Variants in WWP1 observed in about 807,000 individuals in gnomAD.
The protein encoded by WWP1 is NEDD4-like E3 ubiquitin-protein ligase WWP1.
In WWP1, 49 loss-of-function variants were observed where a neutral mutation model predicts 130.6. That is an observed-to-expected ratio of 0.38 (90% CI 0.30 to 0.48). The LOEUF is 0.48. Ranked by LOEUF, WWP1 falls within the 20% of genes least tolerant of loss-of-function variation. The pLI, the probability that WWP1 is intolerant of heterozygous loss-of-function variation, is 0.99. For synonymous variants in WWP1, 332 were observed against 367.8 expected, an observed-to-expected ratio of 0.90 and a Z score of 1.11; for missense variants, 809 against 1,100.6, an observed-to-expected ratio of 0.74 and a Z score of 3.75.
At chr8:86,417,763 T>A (rs967922081) in intron 9 of WWP1, among the ~76,000 whole-genome samples, 18 of 152,212 alleles carry the variant, frequency 1.2e-4, no homozygotes, top group African/African-American at 4.3e-4. Context: ...AATATTTAAG[T>A]CATATAGAAA....
At chr8:86,386,667 A>T (rs571432456) in intron 5 of WWP1, among the ~76,000 whole-genome samples, 1 of 152,210 alleles carries the variant, frequency 6.6e-6, no homozygotes, top group African/African-American at 2.4e-5. Flanking sequence ...TAATTCCACA[A>T]ATGAAAATAT....
chr8:86,465,699 G>A (rs372232786), intron 24 of WWP1, among the ~76,000 whole-genome samples: 45 of 152,270 alleles, frequency 3.0e-4, no homozygotes, highest in African/African-American at 9.4e-4. Flanking sequence ...TGTGAAAGAT[G>A]TAAGAGAACA....
chr8:86,431,616 T>G lies in WWP1; in HGVS notation c.1474T>G (p.Leu492Val). 1.2e-6 allele frequency: 2 copies of G among 1,613,488 alleles called. No homozygotes were observed. Among genetic ancestry groups the G allele is most frequent in the Non-Finnish European group, 1.7e-6 (2 of 1,179,822 alleles). ...TQWEDPRTQG[L>V]QNEEPLPEGW... ...TGTGATTTTAACTTTATCTTTTAGC[T>G]TACAGAATGAAGAACCCCTGCCAGA... The change falls in exon 14 of 25, where the codon TTA (leucine) becomes GTA (valine). Residue 492 changes from leucine (L) to valine (V), a missense_variant and splice_region_variant. Transcript: ENST00000517970.
intron 1 of WWP1, among the ~76,000 whole-genome samples, chr8:86,351,819 C>T (rs977451926): frequency 3.3e-5 from 5 of 152,054 alleles, no homozygotes; most frequent in East Asian, 3.9e-4. Flanking sequence ...ATATAACAGT[C>T]GTCTGGGATG....
chr8:86,466,403 A>G (rs1812135713), intron 24 of WWP1, among the ~76,000 whole-genome samples: 1 of 152,168 alleles, frequency 6.6e-6, no homozygotes, highest in Non-Finnish European at 1.5e-5. Context: ...TCACTAGCTT[A>G]TCAGTTATAT....
intron 16 of WWP1, among the ~76,000 whole-genome samples, chr8:86,436,115 C>T (rs140778505): frequency 1.2e-3 from 179 of 152,192 alleles, no homozygotes; most frequent in African/African-American, 4.3e-3. Context: ...TCACAGCATC[C>T]CTTTGAGATA....
At position 86,445,988 on chromosome 8, in the gene WWP1, T is replaced by C. The variant is rs1302343501; in HGVS notation, c.1999-2160T>C. ...TTTCTTTTCTTTTCTTTTTTTTTTT[T>C]TTTTTTTTTTGAGACAAGAGTCTTG... On this transcript the variant is annotated intron_variant, in intron 18 of 24. Transcript: ENST00000517970. Among the ~76,000 whole-genome samples the C allele has an allele frequency of 7.3e-5, 10 of 136,214 alleles. 1 individual carries two copies. Among genetic ancestry groups the C allele is most frequent in the African/African-American group, 2.7e-4 (10 of 36,778 alleles). 89.4% of individuals were successfully genotyped at this position (136,214 alleles called of 152,430 possible).
intron 1 of WWP1, among the ~76,000 whole-genome samples, chr8:86,366,327 G>C (rs776355661): frequency 2.6e-4 from 39 of 152,334 alleles, no homozygotes; most frequent in Non-Finnish European, 4.9e-4. Flanking sequence ...GGGTATGATG[G>C]CATGGGGATG....
At chr8:86,411,297 A>G (rs767518341) in intron 8 of WWP1, among the ~76,000 whole-genome samples, 1 of 152,170 alleles carries the variant, frequency 6.6e-6, no homozygotes, top group Non-Finnish European at 1.5e-5. Context: ...GGTTGTTATT[A>G]TTATACATAC....
intron 20 of WWP1, among the ~76,000 whole-genome samples, chr8:86,451,214 TAAA>T (rs61141803): frequency 8.0e-4 from 35 of 43,650 alleles, no homozygotes; most frequent in African/African-American, 2.2e-3. Context: ...CCTATGTTAT[TAAA>T]AAAAAAAAAA....
At chr8:86,436,282 A>G (rs1461023455) in intron 16 of WWP1, among the ~76,000 whole-genome samples, 1 of 152,200 alleles carries the variant, frequency 6.6e-6, no homozygotes, top group African/African-American at 2.4e-5. Flanking sequence ...TATTACCTCA[A>G]AGTTTTGATA....
chr8:86,358,345 C>G (rs1187034613), intron 1 of WWP1, among the ~76,000 whole-genome samples: 3 of 152,052 alleles, frequency 2.0e-5, no homozygotes, highest in South Asian at 4.1e-4. Context: ...AATTTCAGTT[C>G]TATGCTATAT....
At chr8:86,423,926 G>A (rs1315845866) in intron 9 of WWP1, among the ~76,000 whole-genome samples, 3 of 140,844 alleles carry the variant, frequency 2.1e-5, no homozygotes, top group African/African-American at 5.4e-5. Context: ...CCCAGATGGG[G>A]CGGCTGGCCG....
chr8:86,384,015 T>C (rs1188511267), intron 5 of WWP1, among the ~76,000 whole-genome samples: 1 of 152,080 alleles, frequency 6.6e-6, no homozygotes, highest in Admixed American at 6.5e-5. Flanking sequence ...GTGGGGTTGG[T>C]TTATTGTGAG....
In WWP1 at chr8:86,411,750, C is replaced by G. The variant is rs750255116; in HGVS notation, c.937C>G (p.Pro313Ala). 9 of 1,613,954 alleles carry G rather than the reference C, an allele frequency of 5.6e-6. No individual in the cohort carries two copies. In the Admixed American group the frequency reaches 1.2e-4, roughly 21 times the overall value. Reference sequence around the variant, plus strand: ...ATCTGAAGCTAGAAGTATATTAGAGCCTGACACCTCTAATTCTAGAAGTAG... The same window carrying G: ...ATCTGAAGCTAGAAGTATATTAGAGGCTGACACCTCTAATTCTAGAAGTAG... ...LESEARSILE[P>A]DTSNSRSSSA... Residue 313 changes from proline (P) to alanine (A), a missense_variant, in exon 9 of 25, where the codon CCT becomes GCT. Pro to Ala is a conservative substitution (Grantham distance 27). Transcript: ENST00000517970.
intron 7 of WWP1, among the ~76,000 whole-genome samples, chr8:86,399,046 A>T (rs947559525): frequency 6.6e-6 from 1 of 152,142 alleles, no homozygotes; most frequent in African/African-American, 2.4e-5. Flanking sequence ...CTATAAATGG[A>T]TTCATATAAT....
At chr8:86,363,055 CA>C (rs1172676175) in intron 1 of WWP1, among the ~76,000 whole-genome samples, 1 of 152,008 alleles carries the variant, frequency 6.6e-6, no homozygotes, top group Non-Finnish European at 1.5e-5. Context: ...TTGAAGGTAT[CA>C]AAAAACAAAA....
Position 86,398,637 on chromosome 8 carries a change from A to G in WWP1, c.538A>G (p.Arg180Gly), listed in dbSNP as rs779794031. The G allele has an allele frequency of 6.2e-7, 1 of 1,611,886 alleles. No individual in the cohort carries two copies. The highest frequency in any genetic ancestry group is 1.7e-5 in the Admixed American group (1 of 60,016). ...NGEPSARTTA[R>G]LAVEGTNGID... ...AGAGCCTTCAGCAAGGACAACTGCC[A>G]GGTAGAATATTTTATTTGAATATGG... Residue 180 changes from arginine to glycine, a missense_variant and splice_region_variant, in exon 7 of 25, where the codon AGG becomes GGG. Around this residue, in one of 3 missense-constraint regions of WWP1, gnomAD observed 262 missense variants for 346.0 expected, o/e 0.76. Coordinates refer to ENST00000517970, the MANE Select transcript of WWP1 (RefSeq NM_007013.4).
intron 24 of WWP1, among the ~76,000 whole-genome samples, chr8:86,463,626 A>C (rs1473338506): frequency 6.8e-6 from 1 of 147,960 alleles, no homozygotes; most frequent in African/African-American, 2.4e-5. Context: ...ATTTTAGCAA[A>C]TGTGATTTTT....
Sources: gnomAD v4.1 joint callset for allele counts (sites outside exome capture counted in the v4.1 genomes callset) on GRCh38, gnomAD v4.1.1 for gene constraint, gnomAD v4.1.1 regional missense constraint, MANE v1.5 for transcripts, NCBI Gene and HGNC (gene_info 2026-07-23, HGNC 2026-07-21) for gene names.